The following DPP6 variants were observed in gnomAD, a reference collection of about 807,000 sequenced individuals.
The protein encoded by DPP6 is dipeptidyl peptidase like 6.
In DPP6, 69 loss-of-function variants were observed where a neutral mutation model predicts 122.6. The observed-to-expected ratio is 0.56, with a 90% CI of 0.46 to 0.69. DPP6 has a LOEUF of 0.69. Ranked by LOEUF, DPP6 falls within the 30% of genes least tolerant of loss-of-function variation. The pLI is 0.00. For missense variants in DPP6, 928 were observed against 1,116.9 expected (o/e 0.83, Z 2.41); for synonymous variants, 418 against 433.1 (o/e 0.97, Z 0.43).
At chr7:153,825,889 T>C in the DPP6 span, among the ~76,000 whole-genome samples, 1 of 152,160 alleles carries the variant, frequency 6.6e-6, no homozygotes, top group Non-Finnish European at 1.5e-5. Flanking sequence ...CTTCTGTGTC[T>C]AACTTACTGT....
chr7:154,092,860 G>C (rs146998117), intron 1 of DPP6: 2 of 152,164 alleles, frequency 1.3e-5, no homozygotes, highest in Non-Finnish European at 2.9e-5. Context: ...TATTACAATG[G>C]TTGTCAGATG....
At chr7:154,077,947 G>A (rs1292811331) in intron 1 of DPP6, among the ~76,000 whole-genome samples, 1 of 152,046 alleles carries the variant, frequency 6.6e-6, no homozygotes, top group Non-Finnish European at 1.5e-5. Context: ...GGGATTACAG[G>A]CATGAGCTAC....
rs1359514094 is a variant in DPP6, at chr7:154,239,460, T to A, written c.243+186397T>A. On this transcript the variant is annotated intron_variant, in intron 1 of 25. Coordinates refer to ENST00000377770, the MANE Select transcript of DPP6 (RefSeq NM_130797.4). ...AAGATGAGGAGGATAAAGATCTTTA[T>A]GGTGACCCACTTCCACTTAATGAAT... Among the ~76,000 whole-genome samples the A allele has an allele frequency of 2.6e-5, 4 of 152,348 alleles. No homozygotes were observed. The East Asian group carries it at 7.7e-4, about 29-fold the overall frequency.
chr7:154,423,151 A>G (rs1165816151), intron 1 of DPP6, among the ~76,000 whole-genome samples: 1 of 152,182 alleles, frequency 6.6e-6, no homozygotes. Context: ...ATCAGCAACA[A>G]CTATTGCAAT....
intron 1 of DPP6, among the ~76,000 whole-genome samples, chr7:154,221,945 G>A (rs1800331342): frequency 1.3e-5 from 2 of 151,854 alleles, no homozygotes; most frequent in South Asian, 4.2e-4. Flanking sequence ...ATTTTCTCTA[G>A]ATGAGTGAGG....
intron 8 of DPP6, among the ~76,000 whole-genome samples, chr7:154,750,540 G>A (rs1182244944): frequency 6.6e-6 from 1 of 152,204 alleles, no homozygotes; most frequent in Non-Finnish European, 1.5e-5. Context: ...GCGCTCCCTG[G>A]GCGATGCTCA....
chr7:154,408,820 A>G (rs1473781490), intron 1 of DPP6, among the ~76,000 whole-genome samples: 2 of 149,104 alleles, frequency 1.3e-5, no homozygotes, highest in Admixed American at 6.7e-5. Context: ...ATTTTTATGG[A>G]TTGAATTGTA....
rs190544961 is a variant in DPP6, at chr7:154,090,450, T to C, written c.243+37387T>C. On this transcript the variant is annotated intron_variant, in intron 1 of 25. Transcript: ENST00000377770. Reference sequence around the variant, plus strand: ...TAGTTGAATATGTGGATATGCCTATTGAGAAGTATGTTATGAAATCTAGGG... The same window carrying C: ...TAGTTGAATATGTGGATATGCCTATCGAGAAGTATGTTATGAAATCTAGGG... 2.4e-3 allele frequency among the ~76,000 whole-genome samples: 359 copies of C among 152,342 alleles called. 1 individual carries two copies. Among genetic ancestry groups the C allele is most frequent in the Non-Finnish European group, 4.1e-3 (276 of 68,040 alleles).
At chr7:153,882,737 G>C (rs1489262936), upstream of DPP6, among the ~76,000 whole-genome samples, 1 of 152,228 alleles carries the variant, frequency 6.6e-6, no homozygotes, top group Non-Finnish European at 1.5e-5. Flanking sequence ...TGGGATAGGT[G>C]CTGTGAAACA....
chr7:154,572,910 C>T (rs972408336), intron 5 of DPP6, among the ~76,000 whole-genome samples: 5 of 151,914 alleles, frequency 3.3e-5, no homozygotes, highest in South Asian at 4.2e-4. Flanking sequence ...AAACTCCTTA[C>T]CTCATTTGAT....
intron 1 of DPP6, among the ~76,000 whole-genome samples, chr7:154,262,414 G>C (rs1382651694): frequency 6.6e-6 from 1 of 152,120 alleles, no homozygotes; most frequent in Non-Finnish European, 1.5e-5. Flanking sequence ...CCCACAGTGA[G>C]ACACCAGGAA....
At chr7:153,898,165 A>G (rs1318058598) in intron 1 of DPP6, among the ~76,000 whole-genome samples, 1 of 152,208 alleles carries the variant, frequency 6.6e-6, no homozygotes, top group African/African-American at 2.4e-5. Flanking sequence ...CAAAACAGCT[A>G]AAAGAGTCTG....
At chr7:154,055,420 A>G (rs1251767896) in intron 1 of DPP6, among the ~76,000 whole-genome samples, 1 of 150,560 alleles carries the variant, frequency 6.6e-6, no homozygotes, top group African/African-American at 2.5e-5. Flanking sequence ...TTCCTCCAGG[A>G]ACAAAAGCTT....
intron 4 of DPP6, among the ~76,000 whole-genome samples, chr7:154,552,873 A>G (rs1451760026): frequency 6.6e-6 from 1 of 152,236 alleles, no homozygotes; most frequent in Non-Finnish European, 1.5e-5. Flanking sequence ...ATGCAAGAAA[A>G]TTAGTAAAAC....
intron 1 of DPP6, among the ~76,000 whole-genome samples, chr7:154,132,711 C>CATT (rs1795351363): frequency 1.3e-5 from 2 of 152,046 alleles, no homozygotes; most frequent in African/African-American, 2.4e-5. Context: ...ATCCCTATTC[C>CATT]TTATTCATCA....
intron 16 of DPP6, among the ~76,000 whole-genome samples, chr7:154,808,487 A>G (rs1055682743): frequency 1.3e-5 from 2 of 152,148 alleles, no homozygotes; most frequent in Non-Finnish European, 2.9e-5. Flanking sequence ...GAGGCCACCA[A>G]GTATCTGAAA....
chr7:154,407,599 G>T (rs968858043), intron 1 of DPP6, among the ~76,000 whole-genome samples: 2 of 152,144 alleles, frequency 1.3e-5, no homozygotes, highest in Non-Finnish European at 2.9e-5. Flanking sequence ...GGCCCTTACA[G>T]TTCATTTTCC....
chr7:153,806,862 AAG>A, the DPP6 span, among the ~76,000 whole-genome samples: 2 of 147,330 alleles, frequency 1.4e-5, no homozygotes, highest in Non-Finnish European at 3.0e-5. Context: ...GAATAAAGGA[AAG>A]AGTTTCTTTT....
At chr7:153,782,542 G>T in the DPP6 span, among the ~76,000 whole-genome samples, 99 of 152,278 alleles carry the variant, frequency 6.5e-4, no homozygotes, top group Middle Eastern at 3.4e-3. Flanking sequence ...CCCTTAGCGT[G>T]TGGGCCCTTT....
Sources: allele counts gnomAD v4.1 joint callset (sites outside exome capture counted in the v4.1 genomes callset), GRCh38; gene constraint gnomAD v4.1.1; transcripts MANE v1.5; gene names NCBI Gene and HGNC (gene_info 2026-07-23, HGNC 2026-07-21).